The following ZC3H12B variants were observed in gnomAD, a reference collection of about 807,000 sequenced individuals.
ZC3H12B encodes zinc finger CCCH-type containing 12B, also known as probable ribonuclease ZC3H12B.
In ZC3H12B, 7 loss-of-function variants were observed where a neutral mutation model predicts 43.9. The ratio of observed to expected loss-of-function variants is 0.16; its 90% CI spans 0.09 to 0.30. The LOEUF is 0.30. Ranked by LOEUF, ZC3H12B falls within the 10% of genes least tolerant of loss-of-function variation. The pLI, the probability that ZC3H12B is intolerant of heterozygous loss-of-function variation, is 1.00. For missense variants in ZC3H12B, 475 were observed against 670.2 expected (o/e 0.71, Z 3.22); for synonymous variants, 222 against 241.7 (o/e 0.92, Z 0.76).
chrX:65,470,831 A>G (rs754752291), intron 3 of ZC3H12B, among the ~76,000 whole-genome samples: 2 of 112,128 alleles, frequency 1.8e-5, no homozygotes, highest in African/African-American at 3.2e-5. Context: ...ACATTTTTGT[A>G]TAGTTTTGAG....
intron 2 of ZC3H12B, among the ~76,000 whole-genome samples, chrX:65,373,895 A>AATAGTTTATATATATACTATATATATAG (rs757421920): frequency 4.6e-5 from 1 of 21,862 alleles, no homozygotes; most frequent in Non-Finnish European, 5.7e-5. Context: ...AAGTATAGTA[A>AATAGTTTATATATATACTATATATATAG]TATATATATA....
chrX:65,174,884 T>A, the ZC3H12B span, among the ~76,000 whole-genome samples: 1 of 109,880 alleles, frequency 9.1e-6, no homozygotes, highest in African/African-American at 3.3e-5. Context: ...GAGTTTACAG[T>A]TCTGTATTGC....
At chrX:65,357,320 C>T in the ZC3H12B span, 6 of 263,765 alleles carry the variant, frequency 2.3e-5, no homozygotes, top group East Asian at 2.9e-4. Flanking sequence ...GGAAACTCTT[C>T]GGGATTTTGG....
chrX:65,331,973 C>T, the ZC3H12B span, among the ~76,000 whole-genome samples: 9 of 111,257 alleles, frequency 8.1e-5, no homozygotes, highest in East Asian at 2.3e-3. Context: ...GGCTTCTTTG[C>T]TGTAGCCTGT....
chrX:65,384,357 C>T (rs1045151492), intron 2 of ZC3H12B, among the ~76,000 whole-genome samples: 23 of 110,003 alleles, frequency 2.1e-4, no homozygotes, highest in African/African-American at 4.6e-4. Context: ...CATCACACTC[C>T]GGGGACTGTT....
chrX:65,063,171 G>T, the ZC3H12B span, among the ~76,000 whole-genome samples: 8 of 111,276 alleles, frequency 7.2e-5, no homozygotes, highest in Non-Finnish European at 1.3e-4. Flanking sequence ...TTGCCTGATT[G>T]CCCTGGTCAG....
chrX:65,489,209 A>T (rs1345349851), exon 1 of ZC3H12B: 17 of 1,209,942 alleles, frequency 1.4e-5, no homozygotes. Context: ...GCCCAGAATC[A>T]CTTATTAATG....
chrX:65,309,951 C>A, the ZC3H12B span, among the ~76,000 whole-genome samples: 1 of 111,617 alleles, frequency 9.0e-6, no homozygotes, highest in Non-Finnish European at 1.9e-5. Flanking sequence ...ATTCAACAGC[C>A]CTTCATGCTA....
At chrX:65,218,218 C>T in the ZC3H12B span, among the ~76,000 whole-genome samples, 2 of 111,953 alleles carry the variant, frequency 1.8e-5, no homozygotes, top group African/African-American at 6.5e-5. Context: ...CTTGCAGCTC[C>T]CTCTTAGATG....
intron 3 of ZC3H12B, among the ~76,000 whole-genome samples, chrX:65,480,403 A>G (rs1451926625): frequency 8.9e-6 from 1 of 112,642 alleles, no homozygotes; most frequent in Non-Finnish European, 1.9e-5. Context: ...CTGGATAATC[A>G]ATGACTCACA....
chrX:65,324,846 T>C, the ZC3H12B span, among the ~76,000 whole-genome samples: 2 of 110,259 alleles, frequency 1.8e-5, no homozygotes, highest in Non-Finnish European at 3.8e-5. Flanking sequence ...TCTTCTGTTT[T>C]GTATTAATTT....
At chrX:65,113,258 T>TG in the ZC3H12B span, among the ~76,000 whole-genome samples, 11 of 111,992 alleles carry the variant, frequency 9.8e-5, no homozygotes, top group Admixed American at 1.9e-4. Context: ...AGTGGTTTCT[T>TG]GAGAGGAATC....
intron 2 of ZC3H12B, among the ~76,000 whole-genome samples, chrX:65,385,969 C>T (rs936959548): frequency 8.9e-6 from 1 of 112,173 alleles, no homozygotes; most frequent in African/African-American, 3.2e-5. Context: ...GTATGTTGAA[C>T]CAGTCTTGCA....
chrX:65,341,189 T>G, the ZC3H12B span, among the ~76,000 whole-genome samples: 1 of 111,890 alleles, frequency 8.9e-6, no homozygotes, highest in Non-Finnish European at 1.9e-5. Context: ...AAATAAAACC[T>G]CTGAGAAATA....
chrX:65,360,773 C>T, the ZC3H12B span, among the ~76,000 whole-genome samples: 1 of 111,885 alleles, frequency 8.9e-6, no homozygotes, highest in African/African-American at 3.2e-5. Flanking sequence ...ATTTGTAAAA[C>T]TGGAAATAAC....
chrX:65,128,772 G>T, the ZC3H12B span, among the ~76,000 whole-genome samples: 3 of 111,559 alleles, frequency 2.7e-5, no homozygotes, highest in Non-Finnish European at 5.7e-5. Flanking sequence ...GAGACTTACT[G>T]GTGAATTGGC....
chrX:65,154,868 A>T, the ZC3H12B span, among the ~76,000 whole-genome samples: 1 of 111,865 alleles, frequency 8.9e-6, no homozygotes, highest in Admixed American at 9.5e-5. Context: ...ATAGAAATAA[A>T]AATATTTCAC....
chrX:65,211,702 A>ATATAATATATATTATATATTTTTATGT, the ZC3H12B span, among the ~76,000 whole-genome samples: 4 of 88,091 alleles, frequency 4.5e-5, no homozygotes, highest in East Asian at 3.4e-4. Context: ...ATTATATAAT[A>ATATAATATATATTATATATTTTTATGT]TATAATATAT....
At chrX:65,117,525 G>C in the ZC3H12B span, among the ~76,000 whole-genome samples, 3 of 111,806 alleles carry the variant, frequency 2.7e-5, no homozygotes, top group Non-Finnish European at 3.8e-5. Context: ...TGTTCACTCT[G>C]ATGGTAGTTT....
Sources: gnomAD v4.1 joint callset for allele counts (sites outside exome capture counted in the v4.1 genomes callset) on GRCh38, gnomAD v4.1.1 for gene constraint, MANE v1.5 for transcripts, NCBI Gene and HGNC (gene_info 2026-07-23, HGNC 2026-07-21) for gene names.